Variants in MYH10 observed in about 807,000 individuals in gnomAD.
MYH10 encodes myosin heavy chain 10, also known as myosin-10.
In MYH10, 55 loss-of-function variants were observed where a neutral mutation model predicts 257.8. The ratio of observed to expected loss-of-function variants is 0.21; its 90% CI spans 0.17 to 0.27. The LOEUF is 0.27. MYH10 is among the 10% of genes least tolerant of loss of function. The probability of loss-of-function intolerance (pLI) is 1.00; values close to 1 mark genes in which losing one functional copy is unlikely to be tolerated. For synonymous variants in MYH10, 854 were observed against 921.7 expected (o/e 0.93, Z 1.33); for missense variants, 1,631 against 2,500.6 (o/e 0.65, Z 7.42).
At chr17:8,538,473 G>C (rs916180167) in intron 14 of MYH10, among the ~76,000 whole-genome samples, 4 of 152,250 alleles carry the variant, frequency 2.6e-5, no homozygotes, top group Non-Finnish European at 5.9e-5. Flanking sequence ...GCCTCCCAAA[G>C]TGTTGGGATT....
At chr17:8,577,147 A>C (rs1236771319) in intron 5 of MYH10, 89 bp downstream of exon 5, 1 of 965,228 alleles carries the variant, frequency 1.0e-6, no homozygotes, top group East Asian at 2.4e-5. Flanking sequence ...CAGTTATAGC[A>C]GTGTGGAGAG....
intron 7 of MYH10, among the ~76,000 whole-genome samples, chr17:8,562,210 C>T (rs2083020415): frequency 6.6e-6 from 1 of 152,100 alleles, no homozygotes; most frequent in Non-Finnish European, 1.5e-5. Flanking sequence ...ACTGAATATC[C>T]CCAAGTGATC....
intron 4 of MYH10, among the ~76,000 whole-genome samples, chr17:8,583,751 G>A (rs1428409060): frequency 6.6e-6 from 1 of 152,166 alleles, no homozygotes; most frequent in African/African-American, 2.4e-5. Flanking sequence ...ATTACTTAAT[G>A]TAATATTTGT....
rs2081067146 is a variant in MYH10, at chr17:8,506,082, G to A, written c.3386+236C>T. On this transcript the variant is annotated intron_variant, in intron 27 of 42. Transcript: ENST00000360416. This position sits in a 1 kb window ranked among gnomAD's most constrained non-coding sequence, Gnocchi z 5.0. ...TTTGTTCTGGTGTGAATTTCCAAGG[G>A]TTTCATAATATAATTTGTCATTTTA... The A allele has an allele frequency of 4.6e-6, 2 of 431,462 alleles. No homozygotes were observed. Among genetic ancestry groups the A allele is most frequent in the Admixed American group, 4.4e-5 (1 of 22,698 alleles). 26.7% of individuals were successfully genotyped at this position (431,462 alleles called of 1,614,324 possible).
chr17:8,559,987 A>C (rs1363605848), intron 7 of MYH10, among the ~76,000 whole-genome samples: 1 of 152,214 alleles, frequency 6.6e-6, no homozygotes, highest in Admixed American at 6.5e-5. Flanking sequence ...ATGCGTTCTC[A>C]AACTTCTCAT....
intron 9 of MYH10, 31 bp from the exon 10 acceptor site, chr17:8,548,818 A>G (rs1231293228): frequency 1.3e-6 from 2 of 1,571,662 alleles, no homozygotes; most frequent in South Asian, 2.2e-5. Context: ...AGAAAATTTG[A>G]TAAATACTCA....
At position 8,535,875 on chromosome 17, in the gene MYH10, GGCT is replaced by G. The variant is rs1567862764; in HGVS notation, c.1659_1661del (p.Lys553_Ala554delinsAsn). The stretch of plus-strand genomic sequence containing the variant: ...GTTTTTCAACAAAGGTTTTATCTGT[GGCT>G]TTAGGGAACCAGCATTCTTCATCCA... On this transcript the variant is annotated inframe_deletion, in exon 15 of 43. Coordinates refer to ENST00000360416, the MANE Select transcript of MYH10 (RefSeq NM_001256012.3). This position sits in a 1 kb window ranked among gnomAD's most constrained non-coding sequence, Gnocchi z 4.3. 1 of 1,614,122 alleles carries G rather than the reference GGCT, an allele frequency of 6.2e-7. No individual in the cohort carries two copies.
chr17:8,576,663 G>T lies in MYH10; in HGVS notation c.643C>A (p.Pro215Thr). The T allele has an allele frequency of 6.4e-7, 1 of 1,550,760 alleles. No homozygotes were observed. The highest frequency in any genetic ancestry group is 8.7e-7 in the Non-Finnish European group (1 of 1,147,012). Residue 215 changes from proline to threonine, a missense_variant, in exon 6 of 43, where the codon CCT (proline) becomes ACT (threonine). By Grantham distance (38) the Pro-to-Thr change is conservative. Transcript: ENST00000360416. ...CTTGCCTGGTGTTTCACTGGTTTAGGCGATTCCTGCTGTTCATTACAAACA... is the reference window on the plus strand; with the variant it reads ...CTTGCCTGGTGTTTCACTGGTTTAGTCGATTCCTGCTGTTCATTACAAACA... Reference protein sequence around the residue: ...RKDHNIPQESPKPVKHQGELE... With the variant: ...RKDHNIPQESTKPVKHQGELE...
Position 8,500,940 on chromosome 17 carries a change from C to T in MYH10, c.3630G>A (p.Leu1210=). 6.2e-7 allele frequency: 1 copy of T among 1,614,086 alleles called. No homozygotes were observed. Among genetic ancestry groups the T allele is most frequent in the Non-Finnish European group, 8.5e-7 (1 of 1,180,006 alleles). ...TAGTTTCCTCCTCAAGAGCTTTCTT[C>T]AGCTCTGCCACTTCTTGTTCACGTT... ...RTKREQEVAE[L]KKALEEETKN... Residue 1210 remains leucine (L), a synonymous_variant, in exon 29 of 43, where the codon CTG becomes CTA. Coordinates refer to ENST00000360416, the MANE Select transcript of MYH10 (RefSeq NM_001256012.3).
intron 11 of MYH10, among the ~76,000 whole-genome samples, chr17:8,547,704 C>G (rs1406253445): frequency 1.4e-5 from 2 of 146,968 alleles, no homozygotes; most frequent in Non-Finnish European, 3.0e-5. Flanking sequence ...TCCAGACCAT[C>G]TGAAGCAAAC....
chr17:8,487,280 C>T (rs565124565), intron 36 of MYH10, among the ~76,000 whole-genome samples, 153 bp downstream of exon 36: 6 of 152,286 alleles, frequency 3.9e-5, no homozygotes, highest in South Asian at 4.1e-4. Context: ...GTGGACACAG[C>T]GGACACACAA....
intron 4 of MYH10, among the ~76,000 whole-genome samples, chr17:8,580,187 C>A (rs977433340): frequency 3.3e-5 from 5 of 152,066 alleles, no homozygotes; most frequent in African/African-American, 1.2e-4. Context: ...CAAGCCAGCA[C>A]CATATTCAGT....
chr17:8,623,847 T>C (rs1348814425), intron 1 of MYH10, among the ~76,000 whole-genome samples: 1 of 152,192 alleles, frequency 6.6e-6, no homozygotes, highest in Non-Finnish European at 1.5e-5. Flanking sequence ...GAGGTCTTAA[T>C]GTGATCAACT....
chr17:8,507,298 A>G (rs1468255203), intron 26 of MYH10, among the ~76,000 whole-genome samples: 3 of 152,162 alleles, frequency 2.0e-5, no homozygotes, highest in African/African-American at 7.2e-5. Context: ...TTAAAAGCCA[A>G]CCCCATCGTC....
intron 30 of MYH10, among the ~76,000 whole-genome samples, chr17:8,495,495 C>T (rs138759102): frequency 3.6e-3 from 542 of 152,156 alleles, no homozygotes; most frequent in Non-Finnish European, 4.8e-3. Context: ...CGGGGGGTCT[C>T]CTAACTGGTT....
intron 2 of MYH10, among the ~76,000 whole-genome samples, chr17:8,610,965 A>C (rs2085016178): frequency 1.3e-5 from 2 of 152,248 alleles, no homozygotes; most frequent in South Asian, 4.1e-4. Context: ...AAGAAAAGTA[A>C]CTGAATATTT....
At chr17:8,478,505 AAT>A (rs1374416459) in intron 40 of MYH10, 59 bp from the exon 41 acceptor site, 1 of 1,520,058 alleles carries the variant, frequency 6.6e-7, no homozygotes, top group African/African-American at 1.4e-5. Context: ...TGTGGGAAAA[AAT>A]ATTTTTTAAA....
At chr17:8,498,865 A>AAAACAT (rs1246472884) in intron 30 of MYH10, among the ~76,000 whole-genome samples, 1 of 151,898 alleles carries the variant, frequency 6.6e-6, no homozygotes, top group Non-Finnish European at 1.5e-5. Context: ...AACAAAAACA[A>AAAACAT]AAAAAAAGGT....
At chr17:8,553,273 A>G (rs1363856064) in intron 8 of MYH10, among the ~76,000 whole-genome samples, 1 of 152,184 alleles carries the variant, frequency 6.6e-6, no homozygotes, top group Non-Finnish European at 1.5e-5. Context: ...TACTGTTCTT[A>G]ACCAGAAAAT....
Sources: allele counts gnomAD v4.1 joint callset (sites outside exome capture counted in the v4.1 genomes callset), GRCh38; gene constraint gnomAD v4.1.1; non-coding constraint Gnocchi (gnomAD v3.1); transcripts MANE v1.5; gene names NCBI Gene and HGNC (gene_info 2026-07-23, HGNC 2026-07-21).